ESR1: variants seen among roughly 807,000 people sequenced by gnomAD.
ESR1 encodes estrogen receptor 1.
Under a neutral mutation model 52.7 loss-of-function variants are expected in ESR1, and 12 were observed. The ratio of observed to expected loss-of-function variants is 0.23; its 90% CI spans 0.15 to 0.37. ESR1 has a LOEUF of 0.37. ESR1 is among the 10% of genes least tolerant of loss of function. The probability of loss-of-function intolerance (pLI) is 1.00; values close to 1 mark genes in which losing one functional copy is unlikely to be tolerated. For synonymous variants in ESR1, 305 were observed against 316.8 expected, an observed-to-expected ratio of 0.96 and a Z score of 0.39; for missense variants, 584 against 779.7, an observed-to-expected ratio of 0.75 and a Z score of 2.99.
chr6:152,047,616 A>C (rs1043860485), intron 5 of ESR1, among the ~76,000 whole-genome samples: 1 of 152,128 alleles, frequency 6.6e-6, no homozygotes, highest in Non-Finnish European at 1.5e-5. Context: ...GACTTAAGGA[A>C]TTGCCCTGTG....
At chr6:151,997,402 A>AG (rs1261584523) in intron 4 of ESR1, among the ~76,000 whole-genome samples, 4 of 152,156 alleles carry the variant, frequency 2.6e-5, no homozygotes, top group African/African-American at 9.7e-5. Context: ...TGGCAACCTT[A>AG]GGAAACTTGG....
At chr6:151,938,722 A>G (rs1173582877) in intron 3 of ESR1, among the ~76,000 whole-genome samples, 1 of 152,136 alleles carries the variant, frequency 6.6e-6, no homozygotes, top group East Asian at 1.9e-4. Flanking sequence ...CCTAGGGTGG[A>G]TTAGAATCAT....
chr6:152,007,323 C>A (rs533589163), intron 4 of ESR1, among the ~76,000 whole-genome samples: 1 of 152,028 alleles, frequency 6.6e-6, no homozygotes, highest in Non-Finnish European at 1.5e-5. Context: ...GTTAACACAT[C>A]TTGGAGGAAA....
In ESR1 at chr6:152,111,227, C is replaced by T. The variant is rs149481640; in HGVS notation, c.851-14039C>T. Among the ~76,000 whole-genome samples the T allele has an allele frequency of 6.6e-5, 10 of 152,326 alleles. No homozygotes were observed. In the East Asian group the frequency reaches 1.9e-3, roughly 29 times the overall value. ...ACTGACAAACTAGGAACTGTCACCTCACTAAATGAACGTGAAAAAAGATAA... is the reference window on the plus strand; with the variant it reads ...ACTGACAAACTAGGAACTGTCACCTTACTAAATGAACGTGAAAAAAGATAA... On this transcript the variant is annotated intron_variant, in intron 6 of 6. Transcript: ENST00000427531.
chr6:151,952,638 A>T (rs2036450854), intron 4 of ESR1, among the ~76,000 whole-genome samples: 1 of 152,252 alleles, frequency 6.6e-6, no homozygotes, highest in Admixed American at 6.5e-5. Context: ...GGACTGAATC[A>T]ACTGTGGTCT....
intron 4 of ESR1, among the ~76,000 whole-genome samples, chr6:151,956,843 A>AATAAATATAT (rs1554293623): frequency 0.017 from 768 of 44,446 alleles, 7 homozygotes; most frequent in Middle Eastern, 0.05. Flanking sequence ...AATATAAATA[A>AATAAATATAT]ATATATATAT....
chr6:151,904,711 T>A (rs568234615), intron 3 of ESR1, among the ~76,000 whole-genome samples: 2 of 152,348 alleles, frequency 1.3e-5, no homozygotes, highest in South Asian at 2.1e-4. Context: ...CGATTTTGGA[T>A]TAACTTGTTA....
At chr6:151,888,903 A>AT (rs942133980) in intron 3 of ESR1, among the ~76,000 whole-genome samples, 2 of 151,972 alleles carry the variant, frequency 1.3e-5, no homozygotes, top group African/African-American at 2.4e-5. Context: ...TGTCAAATGC[A>AT]TTTTTTCCTC....
chr6:151,932,995 A>G (rs1396043491), intron 3 of ESR1, among the ~76,000 whole-genome samples: 6 of 152,024 alleles, frequency 3.9e-5, no homozygotes, highest in Non-Finnish European at 8.8e-5. Flanking sequence ...GTGAAGAAAG[A>G]TATTGGTAGC....
chr6:151,782,669 C>G (rs1036723999), intron 2 of ESR1, among the ~76,000 whole-genome samples: 3 of 152,156 alleles, frequency 2.0e-5, no homozygotes, highest in African/African-American at 7.2e-5. Context: ...CCTCATTATT[C>G]TGGCTGCCTT....
intron 3 of ESR1, among the ~76,000 whole-genome samples, chr6:151,922,036 G>T (rs1159162072): frequency 1.3e-5 from 2 of 151,932 alleles, no homozygotes; most frequent in Non-Finnish European, 2.9e-5. Context: ...TTATTGCATA[G>T]ATTTTCTTCT....
At chr6:152,069,697 C>T (rs562156312) in intron 6 of ESR1, among the ~76,000 whole-genome samples, 1 of 136,530 alleles carries the variant, frequency 7.3e-6, no homozygotes, top group Non-Finnish European at 1.5e-5. Context: ...GGGCAGTTCA[C>T]AGTAGGGTTC....
At position 152,125,248 on chromosome 6, in the gene ESR1, G is replaced by A. The variant is rs1318643553; in HGVS notation, c.851-18G>A. On this transcript the variant is annotated intron_variant, in intron 6 of 6. Transcript: ENST00000427531. ...AGGAATAATGGTAATGGTAATTCAGGTCGTATTCATTTCACAGGTATCTCA... is the reference window on the plus strand; with the variant it reads ...AGGAATAATGGTAATGGTAATTCAGATCGTATTCATTTCACAGGTATCTCA... 3.2e-6 allele frequency: 5 copies of A among 1,549,562 alleles called. No individual in the cohort carries two copies. The Admixed American group carries it at 9.8e-5, about 30-fold the overall frequency.
intron 5 of ESR1, among the ~76,000 whole-genome samples, chr6:152,031,871 C>T (rs952569550): frequency 2.0e-4 from 30 of 152,324 alleles, no homozygotes; most frequent in African/African-American, 7.0e-4. Flanking sequence ...CCCTGATGAA[C>T]ATCGATGCAA....
chr6:151,710,648 A>G (rs1037960302), intron 2 of ESR1, among the ~76,000 whole-genome samples: 1 of 152,114 alleles, frequency 6.6e-6, no homozygotes, highest in Non-Finnish European at 1.5e-5. Context: ...AGGTATACAC[A>G]TGCCATGGTG....
At chr6:152,087,989 T>A (rs1021326627) in intron 6 of ESR1, among the ~76,000 whole-genome samples, 2 of 151,870 alleles carry the variant, frequency 1.3e-5, no homozygotes, top group African/African-American at 4.8e-5. Context: ...AGAGAAAAAA[T>A]CTCCTTGAAT....
At chr6:151,918,819 G>A (rs1209184944) in intron 3 of ESR1, among the ~76,000 whole-genome samples, 1 of 152,162 alleles carries the variant, frequency 6.6e-6, no homozygotes, top group African/African-American at 2.4e-5. Context: ...TATAGGGAAG[G>A]GATGGAGGGA....
intron 3 of ESR1, among the ~76,000 whole-genome samples, chr6:151,893,145 C>T (rs972539049): frequency 6.6e-6 from 1 of 152,080 alleles, no homozygotes. Context: ...GAGCCAAGAT[C>T]GTGCCACTGC....
chr6:151,940,687 C>T (rs2128512150), intron 3 of ESR1, among the ~76,000 whole-genome samples: 1 of 152,324 alleles, frequency 6.6e-6, no homozygotes, highest in Middle Eastern at 3.4e-3. Flanking sequence ...CTTCCCCAGT[C>T]ACTTCCTCCC....
Sources: allele counts gnomAD v4.1 joint callset (sites outside exome capture counted in the v4.1 genomes callset), GRCh38; gene constraint gnomAD v4.1.1; transcripts MANE v1.5; gene names NCBI Gene and HGNC (gene_info 2026-07-23, HGNC 2026-07-21).